Variants in DLGAP1 observed in about 807,000 individuals in gnomAD.
DLGAP1 encodes DLG associated protein 1.
In DLGAP1, 11 loss-of-function variants were observed where a neutral mutation model predicts 90.8. That is an observed-to-expected ratio of 0.12 (90% confidence interval 0.08 to 0.20). The LOEUF is 0.20. Ranked by LOEUF, DLGAP1 falls within the 10% of genes least tolerant of loss-of-function variation. The pLI is 1.00. For synonymous variants in DLGAP1, 558 were observed against 540.7 expected (o/e 1.03, Z -0.44); for missense variants, 1,050 against 1,333.8 (o/e 0.79, Z 3.31).
intron 1 of DLGAP1, among the ~76,000 whole-genome samples, chr18:4,252,256 A>G (rs941840191): frequency 9.2e-5 from 14 of 152,178 alleles, no homozygotes; most frequent in Admixed American, 2.0e-4. Context: ...GGCTAGTCTC[A>G]TTTCTCTTTT....
At chr18:4,341,841 T>G (rs186872663) in intron 1 of DLGAP1, among the ~76,000 whole-genome samples, 2 of 152,122 alleles carry the variant, frequency 1.3e-5, no homozygotes, top group African/African-American at 4.8e-5. Flanking sequence ...TTTGAAAGAA[T>G]AGTGAAGTGA....
At chr18:3,891,698 C>T (rs372439362) in intron 3 of DLGAP1, among the ~76,000 whole-genome samples, 19 of 152,162 alleles carry the variant, frequency 1.2e-4, no homozygotes, top group South Asian at 6.2e-4. Context: ...CAATATGGTA[C>T]GGACTAGTCT....
intron 7 of DLGAP1, among the ~76,000 whole-genome samples, chr18:3,631,379 A>G (rs1315432253): frequency 2.0e-5 from 3 of 152,214 alleles, no homozygotes; most frequent in Non-Finnish European, 4.4e-5. Flanking sequence ...ACCTTTTCTT[A>G]GAAAATACAA....
At chr18:4,181,564 C>T (rs1342510871) in intron 1 of DLGAP1, among the ~76,000 whole-genome samples, 1 of 152,134 alleles carries the variant, frequency 6.6e-6, no homozygotes, top group Non-Finnish European at 1.5e-5. Context: ...CGTAACAAAA[C>T]CGAAAGCTCC....
intron 2 of DLGAP1, among the ~76,000 whole-genome samples, chr18:4,125,441 C>G (rs2076218185): frequency 6.6e-6 from 1 of 152,146 alleles, no homozygotes; most frequent in African/African-American, 2.4e-5. Context: ...TTAGGGACAA[C>G]AGGCTGGCCT....
At chr18:3,749,108 T>C (rs987080367) in intron 5 of DLGAP1, among the ~76,000 whole-genome samples, 3 of 150,488 alleles carry the variant, frequency 2.0e-5, no homozygotes, top group African/African-American at 7.4e-5. Flanking sequence ...TCCTTCTCCT[T>C]CTCCTCCTCC....
rs1032663119 is a variant in DLGAP1, at chr18:4,366,057, C to T, written c.-267+88949G>A. ...GAATGATTTATAGACATACTGTATA[C>T]GTACTGTCAAAATGACCGAGATATA... On this transcript the variant is annotated intron_variant, in intron 1 of 12. Coordinates refer to ENST00000315677, the MANE Select transcript of DLGAP1 (RefSeq NM_004746.4). 1.2e-4 allele frequency among the ~76,000 whole-genome samples: 19 copies of T among 152,054 alleles called. 1 individual carries two copies. The highest frequency in any genetic ancestry group is 7.7e-4 in the East Asian group (4 of 5,174).
At chr18:4,308,358 A>G (rs981626729) in intron 1 of DLGAP1, among the ~76,000 whole-genome samples, 4 of 152,178 alleles carry the variant, frequency 2.6e-5, no homozygotes, top group Non-Finnish European at 4.4e-5. Flanking sequence ...AAAATATCTA[A>G]TAAATATGAT....
chr18:4,396,586 G>A (rs955815111), intron 1 of DLGAP1, among the ~76,000 whole-genome samples: 2 of 152,120 alleles, frequency 1.3e-5, no homozygotes, highest in African/African-American at 4.8e-5. Context: ...GGGTATTGGC[G>A]CTCTCTGAGA....
chr18:3,881,409 C>T (rs2071165704), intron 3 of DLGAP1, among the ~76,000 whole-genome samples: 1 of 152,174 alleles, frequency 6.6e-6, no homozygotes, highest in Non-Finnish European at 1.5e-5. Flanking sequence ...GCTCTCCTAG[C>T]AGAGAGAATT....
Position 3,828,238 on chromosome 18 carries a change from T to C in DLGAP1, c.958-13965A>G, listed in dbSNP as rs371491056. Reference sequence around the variant, plus strand: ...AGATGAAGTGAGTCCATCATCTGGGTTATCACATGTGCAAAGTTAGGGCAA... The same window carrying C: ...AGATGAAGTGAGTCCATCATCTGGGCTATCACATGTGCAAAGTTAGGGCAA... On this transcript the variant is annotated intron_variant, in intron 4 of 12. Coordinates refer to ENST00000315677, the MANE Select transcript of DLGAP1 (RefSeq NM_004746.4). 1.6e-4 allele frequency among the ~76,000 whole-genome samples: 24 copies of C among 152,260 alleles called. No individual in the cohort carries two copies. In the South Asian group the frequency reaches 2.1e-3, roughly 13 times the overall value.
At chr18:3,781,919 C>T (rs1489009356) in intron 5 of DLGAP1, among the ~76,000 whole-genome samples, 4 of 152,136 alleles carry the variant, frequency 2.6e-5, no homozygotes, top group Non-Finnish European at 5.9e-5. Flanking sequence ...GTACACACCG[C>T]TACATTTGAT....
intron 2 of DLGAP1, among the ~76,000 whole-genome samples, chr18:4,092,638 C>T (rs2075788163): frequency 6.6e-6 from 1 of 152,124 alleles, no homozygotes; most frequent in Non-Finnish European, 1.5e-5. Flanking sequence ...GCACGATTTG[C>T]TGCTCCTTCT....
At chr18:3,645,868 A>T (rs1364971681) in intron 7 of DLGAP1, among the ~76,000 whole-genome samples, 1 of 152,230 alleles carries the variant, frequency 6.6e-6, no homozygotes, top group African/African-American at 2.4e-5. Context: ...GAGTTTTGTC[A>T]TAAACAGATT....
intron 1 of DLGAP1, among the ~76,000 whole-genome samples, chr18:4,417,689 C>A (rs963879023): frequency 1.2e-4 from 18 of 151,994 alleles, no homozygotes; most frequent in African/African-American, 3.9e-4. Context: ...CAGGAAAAAA[C>A]CAATTTCAGC....
At chr18:4,097,247 G>T (rs2075698318) in intron 2 of DLGAP1, among the ~76,000 whole-genome samples, 1 of 152,302 alleles carries the variant, frequency 6.6e-6, no homozygotes, top group South Asian at 2.1e-4. Context: ...CCGTGGTGGG[G>T]ATCTGATTGT....
At chr18:4,173,479 T>C (rs1156545309) in intron 1 of DLGAP1, among the ~76,000 whole-genome samples, 1 of 152,210 alleles carries the variant, frequency 6.6e-6, no homozygotes, top group Non-Finnish European at 1.5e-5. Context: ...ATTTGCTTTA[T>C]TAAGTGTAGA....
chr18:3,591,815 A>T (rs201314022), intron 7 of DLGAP1, among the ~76,000 whole-genome samples: 1 of 152,164 alleles, frequency 6.6e-6, no homozygotes, highest in Non-Finnish European at 1.5e-5. Flanking sequence ...CCTGTTTTGT[A>T]TAAGTCCCCA....
intron 2 of DLGAP1, among the ~76,000 whole-genome samples, chr18:4,029,906 T>C (rs1399353062): frequency 6.6e-6 from 1 of 152,196 alleles, no homozygotes; most frequent in Non-Finnish European, 1.5e-5. Flanking sequence ...TTTTCTTTGA[T>C]TTGTTCTTTT....
Sources: gnomAD v4.1 joint callset for allele counts (sites outside exome capture counted in the v4.1 genomes callset) on GRCh38, gnomAD v4.1.1 for gene constraint, MANE v1.5 for transcripts, NCBI Gene and HGNC (gene_info 2026-07-23, HGNC 2026-07-21) for gene names.